ARL14EP: variants seen among roughly 807,000 people sequenced by gnomAD.
The protein encoded by ARL14EP is ARF like GTPase 14 effector protein.
A neutral mutation model predicts 23.1 loss-of-function variants in ARL14EP; 12 were observed. The ratio of observed to expected loss-of-function variants is 0.52; its 90% CI spans 0.33 to 0.84. The LOEUF (loss-of-function observed/expected upper bound fraction) is 0.84. Among genes scored for constraint, ARL14EP ranks in the 40% least tolerant of loss-of-function variants. The probability of loss-of-function intolerance (pLI) is 0.02; values close to 1 mark genes in which losing one functional copy is unlikely to be tolerated. For synonymous variants in ARL14EP, 97 were observed against 102.0 expected (o/e 0.95, Z 0.29); for missense variants, 253 against 307.3 (o/e 0.82, Z 1.32).
Position 30,330,876 on chromosome 11 carries a change from T to C in ARL14EP, c.-63-10T>C. 7.0e-7 allele frequency: 1 copy of C among 1,434,498 alleles called. No individual in the cohort carries two copies. The highest frequency in any genetic ancestry group is 9.7e-7 in the Non-Finnish European group (1 of 1,033,708). The allele number at this position is 1,434,498 out of a possible 1,614,324, so 88.9% of individuals were successfully genotyped here. ...AGCACAAATTTGATTCTCTTTAATA[T>C]TTTCTCTAGGGTGATCAGCCCATGA... is the stretch of plus-strand genomic sequence containing the variant. On this transcript the variant is annotated splice_polypyrimidine_tract_variant and intron_variant, in intron 1 of 3. Coordinates refer to ENST00000282032, the MANE Select transcript of ARL14EP (RefSeq NM_152316.3).
intron 1 of ARL14EP, among the ~76,000 whole-genome samples, chr11:30,325,975 A>G (rs961749294): frequency 6.6e-6 from 1 of 152,216 alleles, no homozygotes; most frequent in Non-Finnish European, 1.5e-5. Context: ...TCAGAATGTG[A>G]AAACCTGAAA....
chr11:30,326,449 C>A (rs980813387), intron 1 of ARL14EP, among the ~76,000 whole-genome samples: 3 of 152,142 alleles, frequency 2.0e-5, no homozygotes, highest in African/African-American at 7.2e-5. Flanking sequence ...GTGAAAGGAA[C>A]AATATGAACT....
In ARL14EP at chr11:30,336,817, G is replaced by A. The variant is rs1211138447; in HGVS notation, c.*22G>A. 1 of 1,575,796 alleles carries A rather than the reference G, an allele frequency of 6.3e-7. No individual in the cohort carries two copies. The stretch of plus-strand genomic sequence containing the variant: ...ATAATCTGCGGTACCAAACTATGGA[G>A]CCTTTAAAGGTCTTTATTTCTAAAA... On this transcript the variant is annotated 3_prime_UTR_variant, in exon 4 of 4. Coordinates refer to ENST00000282032, the MANE Select transcript of ARL14EP (RefSeq NM_152316.3).
intron 1 of ARL14EP, chr11:30,328,957 T>C (rs1236104787): frequency 6.6e-6 from 1 of 150,978 alleles, no homozygotes; most frequent in Admixed American, 6.6e-5. Context: ...GAATCCAACT[T>C]TTTTTTTTAA....
Position 30,330,983 on chromosome 11 carries a change from GTAC to G in ARL14EP, c.39_41del (p.Thr14del), listed in dbSNP as rs773468802. ...CCATGTTCAGTTGGAGTCCAGCTTCGTACTACAAATGAGTGCCATAAAACCTAC... is the reference window on the plus strand; with the variant it reads ...CCATGTTCAGTTGGAGTCCAGCTTCGTACAAATGAGTGCCATAAAACCTAC... On this transcript the variant is annotated inframe_deletion, in exon 2 of 4. Coordinates refer to ENST00000282032, the MANE Select transcript of ARL14EP (RefSeq NM_152316.3). 1 of 1,613,756 alleles carries G rather than the reference GTAC, an allele frequency of 6.2e-7. No homozygotes were observed. Among genetic ancestry groups the G allele is most frequent in the South Asian group, 1.1e-5 (1 of 91,076 alleles).
intron 3 of ARL14EP, among the ~76,000 whole-genome samples, chr11:30,335,077 C>G (rs1590670605): frequency 1.3e-5 from 2 of 152,144 alleles, no homozygotes; most frequent in African/African-American, 4.8e-5. Context: ...ATTCACCATT[C>G]CAAGAGTTTG....
chr11:30,334,165 G>T (rs746000103), intron 3 of ARL14EP, among the ~76,000 whole-genome samples: 70 of 149,538 alleles, frequency 4.7e-4, no homozygotes, highest in Non-Finnish European at 8.7e-4. Flanking sequence ...TATTAATGAA[G>T]GTAGCTACAC....
intron 3 of ARL14EP, among the ~76,000 whole-genome samples, chr11:30,333,815 C>G (rs555603197): frequency 2.6e-4 from 39 of 152,270 alleles, no homozygotes; most frequent in African/African-American, 8.9e-4. Flanking sequence ...AAAGCTGGGC[C>G]TCTTGTGCTA....
At chr11:30,331,813 A>C in intron 2 of ARL14EP, 1 of 990,534 alleles carries the variant, frequency 1.0e-6, no homozygotes, top group Non-Finnish European at 1.2e-6. Flanking sequence ...GACTTACAGT[A>C]ATTGTTTTTT....
At chr11:30,334,088 G>A (rs1427352517) in intron 3 of ARL14EP, among the ~76,000 whole-genome samples, 1 of 152,044 alleles carries the variant, frequency 6.6e-6, no homozygotes, top group Non-Finnish European at 1.5e-5. Context: ...GCTAGCAGAG[G>A]TTGGTTTATG....
chr11:30,323,918 A>G (rs373793234), intron 1 of ARL14EP, among the ~76,000 whole-genome samples: 2 of 152,328 alleles, frequency 1.3e-5, no homozygotes, highest in South Asian at 2.1e-4. Flanking sequence ...CCTGACTACC[A>G]CACTTGAACC....
At chr11:30,334,353 C>G (rs1447653771) in intron 3 of ARL14EP, among the ~76,000 whole-genome samples, 3 of 151,702 alleles carry the variant, frequency 2.0e-5, no homozygotes, top group African/African-American at 7.3e-5. Context: ...GTAGCTGGGA[C>G]TACAGGCACG....
In ARL14EP at chr11:30,334,597, G is replaced by A. The variant is rs554169321; in HGVS notation, c.554+1604G>A. ...TATACCTGGCTTCAAATCTTCAAAGGACAGGCCGTTTCTCTTGGTAGGGAC... is the reference window on the plus strand; with the variant it reads ...TATACCTGGCTTCAAATCTTCAAAGAACAGGCCGTTTCTCTTGGTAGGGAC... On this transcript the variant is annotated intron_variant, in intron 3 of 3. Coordinates refer to ENST00000282032, the MANE Select transcript of ARL14EP (RefSeq NM_152316.3). Among the ~76,000 whole-genome samples the A allele has an allele frequency of 2.0e-5, 3 of 152,222 alleles. No individual in the cohort carries two copies. In the South Asian group the frequency reaches 6.2e-4, roughly 32 times the overall value.
At chr11:30,323,562 G>GTTT (rs1341549512) in intron 1 of ARL14EP, among the ~76,000 whole-genome samples, 1 of 152,144 alleles carries the variant, frequency 6.6e-6, no homozygotes, top group Non-Finnish European at 1.5e-5. Context: ...TGCTATTTTT[G>GTTT]TTTTTAATTT....
At chr11:30,325,090 C>A (rs1040047182) in intron 1 of ARL14EP, among the ~76,000 whole-genome samples, 2 of 152,054 alleles carry the variant, frequency 1.3e-5, no homozygotes, top group African/African-American at 4.8e-5. Flanking sequence ...TGGGTAGAAC[C>A]AAAAGATCTG....
intron 3 of ARL14EP, among the ~76,000 whole-genome samples, chr11:30,334,330 C>T (rs1947314675): frequency 6.6e-6 from 1 of 150,964 alleles, no homozygotes; most frequent in African/African-American, 2.4e-5. Context: ...ATTCTTCTGC[C>T]TCAACCTCTT....
chr11:30,330,349 G>A (rs1207487892), intron 1 of ARL14EP: 1 of 152,296 alleles, frequency 6.6e-6, no homozygotes, highest in Non-Finnish European at 1.5e-5. Flanking sequence ...AATATCTGAT[G>A]GAACTTTGAT....
intron 2 of ARL14EP, 140 bp from the exon 3 acceptor site, chr11:30,332,726 G>A: frequency 4.1e-6 from 4 of 974,888 alleles, no homozygotes; most frequent in African/African-American, 1.7e-5. Context: ...TTGCACTTAG[G>A]CTCTAAAACC....
chr11:30,331,206 CA>C lies in ARL14EP; in HGVS notation c.266del (p.Asn89IlefsTer4), dbSNP rs1247324796. 3 of 1,612,986 alleles carry C rather than the reference CA, an allele frequency of 1.9e-6. No homozygotes were observed. The highest frequency in any genetic ancestry group is 1.7e-6 in the Non-Finnish European group (2 of 1,179,524). Reference protein sequence around the residue: ...DPFNIHKKLAKKNLHVIDLDD... With the variant: ...DPFNIHKKLAXKNLHVIDLDD... Reference sequence around the variant, plus strand: ...CATTTAACATACACAAGAAATTAGCCAAAAAAAATTTGCATGTAATTGACTT... The same window carrying C: ...CATTTAACATACACAAGAAATTAGCCAAAAAAATTTGCATGTAATTGACTT... On this transcript the variant is annotated frameshift_variant, in exon 2 of 4. Coordinates refer to ENST00000282032, the MANE Select transcript of ARL14EP (RefSeq NM_152316.3). LOFTEE classifies it high-confidence loss of function.
Sources: allele counts gnomAD v4.1 joint callset (sites outside exome capture counted in the v4.1 genomes callset), GRCh38; gene constraint gnomAD v4.1.1; transcripts MANE v1.5; gene names NCBI Gene and HGNC (gene_info 2026-07-23, HGNC 2026-07-21).